Variants in NELL2 observed in about 807,000 individuals in gnomAD.
NELL2 encodes the protein neural EGFL like 2, also known as protein kinase C-binding protein NELL2.
In NELL2, 41 loss-of-function variants were observed where a neutral mutation model predicts 109.6. The observed-to-expected ratio is 0.37, with a 90% confidence interval of 0.29 to 0.49. The LOEUF (loss-of-function observed/expected upper bound fraction) is 0.49. NELL2 is among the 20% of genes least tolerant of loss of function. The pLI is 0.98. For synonymous variants in NELL2, 355 were observed against 344.7 expected, an observed-to-expected ratio of 1.03 and a Z score of -0.33; for missense variants, 900 against 1,008.3, an observed-to-expected ratio of 0.89 and a Z score of 1.45.
At chr12:44,537,016 CA>C (rs34872244) in intron 15 of NELL2, among the ~76,000 whole-genome samples, 361 of 107,748 alleles carry the variant, frequency 3.4e-3, no homozygotes, top group African/African-American at 6.9e-3. Context: ...AAACAAAAAC[CA>C]AAAAAAAAAA....
chr12:44,757,736 CT>C lies in NELL2; in HGVS notation c.994+17010del, dbSNP rs1158055408. Among the ~76,000 whole-genome samples, 25 of 151,944 alleles carry C rather than the reference CT, an allele frequency of 1.6e-4. 1 individual carries two copies. Among genetic ancestry groups the C allele is most frequent in the Non-Finnish European group, 8.8e-5 (6 of 67,990 alleles). On this transcript the variant is annotated intron_variant, in intron 9 of 19. Transcript: ENST00000429094. The stretch of plus-strand genomic sequence containing the variant: ...TACAATGTTCAACCTATAAATTCTC[CT>C]TTTTAATACTGACCTGAAAAATACT...
At chr12:44,761,246 A>T (rs1479859700) in intron 9 of NELL2, among the ~76,000 whole-genome samples, 1 of 152,102 alleles carries the variant, frequency 6.6e-6, no homozygotes, top group Non-Finnish European at 1.5e-5. Context: ...CGGTAATCCC[A>T]GCTTGGGATT....
intron 9 of NELL2, among the ~76,000 whole-genome samples, chr12:44,717,230 A>G (rs756656212): frequency 6.6e-6 from 1 of 152,162 alleles, no homozygotes; most frequent in Non-Finnish European, 1.5e-5. Context: ...AAAAAGATAT[A>G]ATGATTCCTA....
At chr12:44,694,520 A>ACACACACACAC (rs1948995456) in intron 12 of NELL2, among the ~76,000 whole-genome samples, 1 of 144,308 alleles carries the variant, frequency 6.9e-6, no homozygotes, top group Non-Finnish European at 1.5e-5. Flanking sequence ...CACACATACA[A>ACACACACACAC]ACACACACAC....
chr12:44,820,177 T>G (rs1943492787), intron 2 of NELL2, among the ~76,000 whole-genome samples: 1 of 152,136 alleles, frequency 6.6e-6, no homozygotes, highest in Non-Finnish European at 1.5e-5. Flanking sequence ...CCTAAAATAT[T>G]TAAACGTATT....
chr12:44,545,427 C>T (rs1942751666), intron 15 of NELL2, among the ~76,000 whole-genome samples: 1 of 151,940 alleles, frequency 6.6e-6, no homozygotes, highest in South Asian at 2.1e-4. Context: ...AAATGTCTAT[C>T]GTGTAAAAAT....
intron 3 of NELL2, among the ~76,000 whole-genome samples, chr12:44,808,104 G>T (rs1426304478): frequency 1.3e-5 from 2 of 152,074 alleles, no homozygotes; most frequent in African/African-American, 4.8e-5. Flanking sequence ...TAATGAAAGT[G>T]AATATGGGCT....
chr12:44,539,118 G>A (rs760734682), intron 15 of NELL2, among the ~76,000 whole-genome samples: 6 of 151,898 alleles, frequency 4.0e-5, no homozygotes, highest in East Asian at 1.9e-4. Context: ...TATTCTCCTC[G>A]TATTTTGTAT....
At chr12:44,592,912 T>C (rs1174073924) in intron 15 of NELL2, among the ~76,000 whole-genome samples, 2 of 152,194 alleles carry the variant, frequency 1.3e-5, no homozygotes, top group Non-Finnish European at 2.9e-5. Flanking sequence ...GGGATCTCTA[T>C]TTCATTTTGT....
chr12:44,698,863 G>T (rs746958983), intron 12 of NELL2, among the ~76,000 whole-genome samples: 1 of 152,122 alleles, frequency 6.6e-6, no homozygotes, highest in Non-Finnish European at 1.5e-5. Context: ...TCACAGTTTG[G>T]AAATCACAAA....
chr12:44,690,816 A>G (rs1000976392), intron 12 of NELL2, among the ~76,000 whole-genome samples: 1 of 152,206 alleles, frequency 6.6e-6, no homozygotes, highest in African/African-American at 2.4e-5. Context: ...AAGAGTCTCT[A>G]TATTATTTCT....
In NELL2 at chr12:44,791,096, T is replaced by C. The variant is rs1401248917; in HGVS notation, c.336-11074A>G. Among the ~76,000 whole-genome samples the C allele has an allele frequency of 1.1e-3, 27 of 23,862 alleles. 2 individuals carry two copies. The highest frequency in any genetic ancestry group is 2.7e-3 in the African/African-American group (22 of 8,238). The allele number at this position is 23,862 out of a possible 152,430, so 15.7% of individuals were successfully genotyped here. Reference sequence around the variant, plus strand: ...ATATATATATACATATATATATATATGTATATATATATGTATATATATATG... The same window carrying C: ...ATATATATATACATATATATATATACGTATATATATATGTATATATATATG... On this transcript the variant is annotated intron_variant, in intron 3 of 19. Coordinates refer to ENST00000429094, the MANE Select transcript of NELL2 (RefSeq NM_001145108.2).
At chr12:44,548,588 C>T (rs974355512) in intron 15 of NELL2, among the ~76,000 whole-genome samples, 1 of 150,636 alleles carries the variant, frequency 6.6e-6, no homozygotes, top group African/African-American at 2.4e-5. Context: ...GAAAATAAAA[C>T]ACCAAGGAGA....
intron 9 of NELL2, among the ~76,000 whole-genome samples, chr12:44,744,183 C>A (rs1940181307): frequency 6.6e-6 from 1 of 152,120 alleles, no homozygotes; most frequent in Non-Finnish European, 1.5e-5. Context: ...AACTGAACAA[C>A]CTGCTCTGGA....
chr12:44,913,930 A>T (rs138743076), upstream of NELL2: 293 of 403,738 alleles, frequency 7.3e-4, 1 homozygote, highest in African/African-American at 5.5e-3. Flanking sequence ...GATCCTTCTG[A>T]TTGCTCAGGC....
intron 15 of NELL2, among the ~76,000 whole-genome samples, chr12:44,576,023 T>C (rs1017426198): frequency 2.0e-5 from 3 of 152,282 alleles, no homozygotes; most frequent in East Asian, 3.9e-4. Context: ...GGCACATTGG[T>C]CCTCTTTCCG....
chr12:44,641,689 CTTTTTTTTTTTTTT>C (rs71093817), intron 13 of NELL2, among the ~76,000 whole-genome samples: 1 of 80,626 alleles, frequency 1.2e-5, no homozygotes. Flanking sequence ...CTAGTTTCTC[CTTTTTTTTTTTTTT>C]TTTTTTTTTT....
chr12:44,758,520 T>C lies in NELL2; in HGVS notation c.994+16227A>G, dbSNP rs568976018. 6.6e-5 allele frequency among the ~76,000 whole-genome samples: 10 copies of C among 152,328 alleles called. No homozygotes were observed. In the South Asian group the frequency reaches 1.9e-3, roughly 28 times the overall value. ...TTACTGTTAATATTTACAGATGCAA[T>C]TGAGTACAATAAAAATCCATGAAAG... On this transcript the variant is annotated intron_variant, in intron 9 of 19. Coordinates refer to ENST00000429094, the MANE Select transcript of NELL2 (RefSeq NM_001145108.2).
intron 3 of NELL2, among the ~76,000 whole-genome samples, chr12:44,782,813 C>A (rs1228457663): frequency 1.3e-5 from 2 of 151,886 alleles, no homozygotes; most frequent in African/African-American, 2.4e-5. Context: ...GACGTCAACA[C>A]CCCTGTTTCA....
Sources: gnomAD v4.1 joint callset for allele counts (sites outside exome capture counted in the v4.1 genomes callset) on GRCh38, gnomAD v4.1.1 for gene constraint, MANE v1.5 for transcripts, NCBI Gene and HGNC (gene_info 2026-07-23, HGNC 2026-07-21) for gene names.